Variants in SNTG2 observed in about 807,000 individuals in gnomAD.
SNTG2 encodes syntrophin gamma 2, also known as gamma-2-syntrophin.
A neutral mutation model predicts 70.9 loss-of-function variants in SNTG2; 74 were observed. The observed-to-expected ratio is 1.04, with a 90% CI of 0.86 to 1.27. SNTG2 has a LOEUF of 1.27. Among genes scored for constraint, SNTG2 ranks in the 50% most tolerant of loss-of-function variants. SNTG2 has a pLI of 0.00. For missense variants in SNTG2, 717 were observed against 690.7 expected (o/e 1.04, Z -0.43); for synonymous variants, 278 against 273.8 (o/e 1.02, Z -0.15).
Position 1,152,417 on chromosome 2 carries a change from A to G in SNTG2, c.412-13131A>G, listed in dbSNP as rs371171719. 1.4e-3 allele frequency among the ~76,000 whole-genome samples: 214 copies of G among 152,280 alleles called. 2 individuals are homozygous for G. In the South Asian group the frequency reaches 0.034, roughly 24 times the overall value. ...CATGCTGGTGTGCATATACATGTGT[A>G]CCTGTGTGTACTGCATATATGTGTG... On this transcript the variant is annotated intron_variant, in intron 6 of 16. Coordinates refer to ENST00000308624, the MANE Select transcript of SNTG2 (RefSeq NM_018968.4).
chr2:1,242,399 A>G (rs1677110096), intron 11 of SNTG2, among the ~76,000 whole-genome samples: 1 of 152,228 alleles, frequency 6.6e-6, no homozygotes, highest in South Asian at 2.1e-4. Context: ...AAACAAAAAC[A>G]CACAAAAAAC....
intron 4 of SNTG2, among the ~76,000 whole-genome samples, chr2:1,136,974 C>T (rs970304767): frequency 2.6e-5 from 4 of 152,122 alleles, no homozygotes; most frequent in Non-Finnish European, 4.4e-5. Flanking sequence ...GCACACTTAA[C>T]GAAAAATGTG....
chr2:1,308,873 G>A (rs145462212), intron 15 of SNTG2, among the ~76,000 whole-genome samples: 1 of 152,022 alleles, frequency 6.6e-6, no homozygotes, highest in Non-Finnish European at 1.5e-5. Context: ...TTGAGTAAAC[G>A]CTTTGAAAAA....
rs1243599780 is a variant in SNTG2 at position 1,180,402 on chromosome 2, G to A, written c.591+7219G>A. Among the ~76,000 whole-genome samples the A allele has an allele frequency of 4.9e-4, 65 of 131,624 alleles. 3 individuals are homozygous for A. The highest frequency in any genetic ancestry group is 1.7e-3 in the African/African-American group (63 of 36,800). 86.4% of individuals were successfully genotyped at this position (131,624 alleles called of 152,430 possible). A position where few individuals can be genotyped will look rare whatever the true frequency, so the allele number is the denominator to read the frequency against. On this transcript the variant is annotated intron_variant, in intron 8 of 16. Coordinates refer to ENST00000308624, the MANE Select transcript of SNTG2 (RefSeq NM_018968.4). ...AACAAACAACCCCATCAAAAAGTGG[G>A]CAAAGGACATGAACAGACACTTCTC...
At chr2:1,208,721 G>A (rs751074335) in intron 8 of SNTG2, among the ~76,000 whole-genome samples, 2 of 152,148 alleles carry the variant, frequency 1.3e-5, no homozygotes, top group Admixed American at 1.3e-4. Context: ...CCATTCTATC[G>A]TGTGTCTCTC....
At chr2:1,192,352 C>T (rs1672647781) in intron 8 of SNTG2, among the ~76,000 whole-genome samples, 1 of 152,174 alleles carries the variant, frequency 6.6e-6, no homozygotes. Context: ...TCACCATAGA[C>T]TCCACACCCA....
Position 1,267,384 on chromosome 2 carries a change from G to A in SNTG2, c.1097G>A (p.Cys366Tyr). 6.2e-7 allele frequency: 1 copy of A among 1,604,392 alleles called. No homozygotes were observed. The highest frequency in any genetic ancestry group is 8.5e-7 in the Non-Finnish European group (1 of 1,174,962). The change falls in exon 14 of 17, where the codon TGC (cysteine) becomes TAC (tyrosine). Residue 366 changes from cysteine (C) to tyrosine (Y), a missense_variant. Cys to Tyr is a radical substitution (Grantham distance 194). Coordinates refer to ENST00000308624, the MANE Select transcript of SNTG2 (RefSeq NM_018968.4). ...TTTCAGTTCTGGCTCACAGAGGACT[G>A]CTGGTTGCAAGCAAACTTGTATCTG... ...KVHKFWLTED[C>Y]WLQANLYLGL... is the part of the protein sequence containing the mutation.
At chr2:1,025,421 C>T (rs144433657) in intron 1 of SNTG2, among the ~76,000 whole-genome samples, 3 of 152,252 alleles carry the variant, frequency 2.0e-5, no homozygotes, top group East Asian at 3.9e-4. Flanking sequence ...ATGGGGGATT[C>T]GCTTCCCATG....
intron 1 of SNTG2, among the ~76,000 whole-genome samples, chr2:1,064,388 A>C (rs115922786): frequency 0.017 from 2,586 of 151,768 alleles, 82 homozygotes; most frequent in African/African-American, 0.059. Context: ...ACATATCCAC[A>C]TATGTAATTT....
intron 11 of SNTG2, among the ~76,000 whole-genome samples, chr2:1,240,251 C>A (rs931040088): frequency 5.3e-5 from 8 of 152,190 alleles, no homozygotes; most frequent in African/African-American, 1.9e-4. Flanking sequence ...ATCCCCAAAT[C>A]CAGGCAGTTT....
chr2:963,093 T>G (rs1192510212), intron 1 of SNTG2, among the ~76,000 whole-genome samples: 1 of 152,160 alleles, frequency 6.6e-6, no homozygotes, highest in Non-Finnish European at 1.5e-5. Context: ...TTTTTCTTAA[T>G]TTATTCTTCA....
intron 9 of SNTG2, among the ~76,000 whole-genome samples, chr2:1,225,058 C>T (rs113845175): frequency 3.9e-5 from 6 of 152,316 alleles, no homozygotes; most frequent in African/African-American, 9.6e-5. Context: ...GGTTGTGAAT[C>T]GGAGACTGAG....
At chr2:1,350,146 G>T (rs977740128) in intron 16 of SNTG2, among the ~76,000 whole-genome samples, 20 of 152,116 alleles carry the variant, frequency 1.3e-4, no homozygotes, top group African/African-American at 4.8e-4. Context: ...TTCAGACATT[G>T]CATCCCCCTC....
intron 16 of SNTG2, among the ~76,000 whole-genome samples, chr2:1,317,509 G>T (rs1419371126): frequency 8.5e-6 from 1 of 117,702 alleles, no homozygotes; most frequent in African/African-American, 3.0e-5. Flanking sequence ...CATTGGAGAA[G>T]GTTGGGATTC....
chr2:1,020,859 TAGAC>T (rs1278548535), intron 1 of SNTG2, among the ~76,000 whole-genome samples: 1 of 152,182 alleles, frequency 6.6e-6, no homozygotes, highest in African/African-American at 2.4e-5. Flanking sequence ...TAGTAACTGT[TAGAC>T]AGCATGAAAA....
chr2:1,321,523 C>A (rs1558206314), intron 16 of SNTG2, among the ~76,000 whole-genome samples: 1 of 152,094 alleles, frequency 6.6e-6, no homozygotes, highest in African/African-American at 2.4e-5. Context: ...GATACTGAGA[C>A]CTGGCTGCTG....
At chr2:969,175 C>T (rs62105725) in intron 1 of SNTG2, among the ~76,000 whole-genome samples, 11,883 of 152,178 alleles carry the variant, frequency 0.078, 691 homozygotes, top group South Asian at 0.2. Context: ...TAGATGATTT[C>T]AGGTGTGTGG....
In SNTG2 at chr2:1,223,541, ACCATGAACC is replaced by A. The variant is rs1558558573; in HGVS notation, c.719+14314_719+14322del. ...CCACAGCTGTGGCCAGAGTCATTTT[ACCATGAACC>A]CCTCACCTCAATTTCCTGGCACCCT... is the stretch of plus-strand genomic sequence containing the variant. On this transcript the variant is annotated intron_variant, in intron 9 of 16. Coordinates refer to ENST00000308624, the MANE Select transcript of SNTG2 (RefSeq NM_018968.4). Among the ~76,000 whole-genome samples the A allele has an allele frequency of 5.3e-5, 8 of 152,302 alleles. No individual in the cohort carries two copies. The East Asian group carries it at 1.5e-3, about 29-fold the overall frequency.
chr2:1,200,426 CAT>C (rs1457022541), intron 8 of SNTG2, among the ~76,000 whole-genome samples: 1 of 151,944 alleles, frequency 6.6e-6, no homozygotes, highest in African/African-American at 2.4e-5. Context: ...TAGAAGTAAA[CAT>C]AGTAGAAACA....
Sources: allele counts gnomAD v4.1 joint callset (sites outside exome capture counted in the v4.1 genomes callset), GRCh38; gene constraint gnomAD v4.1.1; transcripts MANE v1.5; gene names NCBI Gene and HGNC (gene_info 2026-07-23, HGNC 2026-07-21).